The following RMDN2 variants were observed in gnomAD, a reference collection of about 807,000 sequenced individuals.
RMDN2 encodes the protein regulator of microtubule dynamics 2, also known as regulator of microtubule dynamics protein 2.
In RMDN2, 61 loss-of-function variants were observed where a neutral mutation model predicts 52.8. The ratio of observed to expected loss-of-function variants is 1.16; its 90% confidence interval spans 0.94 to 1.43. The LOEUF is 1.43. Ranked by LOEUF, RMDN2 falls within the 40% of genes most tolerant of loss-of-function variation. The pLI, the probability that RMDN2 is intolerant of heterozygous loss-of-function variation, is 0.00. For synonymous variants in RMDN2, 180 were observed against 153.1 expected, an observed-to-expected ratio of 1.18 and a Z score of -1.30; for missense variants, 592 against 475.3, an observed-to-expected ratio of 1.25 and a Z score of -2.28.
intron 10 of RMDN2, among the ~76,000 whole-genome samples, chr2:38,066,307 A>G (rs1437687629): frequency 6.6e-6 from 1 of 152,234 alleles, no homozygotes; most frequent in East Asian, 1.9e-4. Context: ...CAAAGCCTGT[A>G]TGTCGCTTAG....
At chr2:37,999,773 G>A (rs773174028) in intron 8 of RMDN2, among the ~76,000 whole-genome samples, 15 of 152,064 alleles carry the variant, frequency 9.9e-5, no homozygotes, top group Non-Finnish European at 1.2e-4. Context: ...TCCAAAGAGC[G>A]TTCACAGGGG....
intron 2 of RMDN2, among the ~76,000 whole-genome samples, chr2:37,935,117 A>G (rs1667175380): frequency 6.6e-6 from 1 of 152,214 alleles, no homozygotes; most frequent in Non-Finnish European, 1.5e-5. Flanking sequence ...ACTCTCATAT[A>G]GTATCAACAA....
At chr2:37,977,969 C>T (rs1414587136) in intron 4 of RMDN2, among the ~76,000 whole-genome samples, 78 of 152,078 alleles carry the variant, frequency 5.1e-4, no homozygotes, top group Admixed American at 5.0e-3. Context: ...CCAAGGCAGG[C>T]GGCTGGGAGG....
intron 10 of RMDN2, among the ~76,000 whole-genome samples, chr2:38,049,014 A>G (rs1573233274): frequency 6.6e-6 from 1 of 152,244 alleles, no homozygotes; most frequent in South Asian, 2.1e-4. Flanking sequence ...AACTTAGCCA[A>G]TGCTGTTTAG....
chr2:37,930,028 A>G (rs1475077477), intron 2 of RMDN2, among the ~76,000 whole-genome samples: 1 of 152,196 alleles, frequency 6.6e-6, no homozygotes, highest in African/African-American at 2.4e-5. Flanking sequence ...TAATGTAGCC[A>G]CTCTGACTCC....
chr2:38,038,675 G>A (rs1329833759), intron 10 of RMDN2, among the ~76,000 whole-genome samples: 2 of 152,198 alleles, frequency 1.3e-5, no homozygotes, highest in African/African-American at 4.8e-5. Flanking sequence ...CCTGCCACAT[G>A]GCAGGCACCC....
chr2:37,941,272 A>G (rs1002029784), intron 2 of RMDN2, among the ~76,000 whole-genome samples: 2 of 1,560 alleles, frequency 1.3e-3, no homozygotes, highest in East Asian at 0.026. Flanking sequence ...TGGAAGCTTC[A>G]TCCCAGAGGG....
chr2:37,974,012 G>C, intron 2 of RMDN2, 28 bp from the exon 3 acceptor site: 1 of 1,564,010 alleles, frequency 6.4e-7, no homozygotes, highest in Admixed American at 1.8e-5. Flanking sequence ...ACTTTCAAAG[G>C]AGTTGATGAT....
chr2:37,959,615 A>T lies in RMDN2; in HGVS notation c.453-14425A>T, dbSNP rs1669937081. On this transcript the variant is annotated intron_variant, in intron 2 of 10. Transcript: ENST00000354545. ...AAAAAACCAGCTCCTGGATTCATTG[A>T]TATTTTTGAAGGGTTTTTCGTGTCT... 2.0e-5 allele frequency among the ~76,000 whole-genome samples: 3 copies of T among 150,722 alleles called. 1 individual carries two copies. Among genetic ancestry groups the T allele is most frequent in the African/African-American group, 7.5e-5 (3 of 40,112 alleles).
intron 1 of RMDN2, among the ~76,000 whole-genome samples, chr2:37,926,233 T>C (rs1464513257): frequency 1.3e-5 from 2 of 152,260 alleles, no homozygotes; most frequent in African/African-American, 4.8e-5. Flanking sequence ...ATATCTGTGC[T>C]AGATTTATGG....
chr2:37,922,559 C>A (rs1352717515), upstream of RMDN2, among the ~76,000 whole-genome samples: 1 of 152,300 alleles, frequency 6.6e-6, no homozygotes, highest in Admixed American at 6.5e-5. Flanking sequence ...ATGCCAGGTT[C>A]CCAAGATACA....
At chr2:37,972,717 G>A (rs76650480) in intron 2 of RMDN2, among the ~76,000 whole-genome samples, 2 of 151,988 alleles carry the variant, frequency 1.3e-5, no homozygotes, top group African/African-American at 4.8e-5. Flanking sequence ...GACCAAGGTG[G>A]TAGTGGGGAG....
chr2:37,997,327 CACATA>C, intron 7 of RMDN2, 84 bp from the exon 8 acceptor site: 1 of 807,992 alleles, frequency 1.2e-6, no homozygotes, highest in Non-Finnish European at 2.2e-6. Context: ...CACGTATATA[CACATA>C]ACACACACAC....
chr2:37,930,121 G>T (rs970035800), intron 2 of RMDN2, among the ~76,000 whole-genome samples: 4 of 152,212 alleles, frequency 2.6e-5, no homozygotes, highest in African/African-American at 9.6e-5. Flanking sequence ...TGCCCAATGT[G>T]GTAGCCACTA....
At position 38,061,770 on chromosome 2, in the gene RMDN2, A is replaced by T. The variant is rs185489692; in HGVS notation, c.1714-5212A>T. Among the ~76,000 whole-genome samples, 88 of 152,270 alleles carry T rather than the reference A, an allele frequency of 5.8e-4. 1 individual carries two copies. The highest frequency in any genetic ancestry group is 2.1e-3 in the African/African-American group (88 of 41,550). On this transcript the variant is annotated intron_variant, in intron 10 of 10. Coordinates refer to the RMDN2 transcript ENST00000234195. ...TGGGTGCCTTGTTCATTATTATATC[A>T]TCAGTGCCCCAAACAGTGTCTGCCT...
At chr2:37,929,840 T>G (rs1553342992) in intron 2 of RMDN2, 111 bp downstream of exon 2, 10 of 675,500 alleles carry the variant, frequency 1.5e-5, no homozygotes, top group Non-Finnish European at 2.4e-5. Context: ...TCACATAAAA[T>G]GAAAAGGAGT....
chr2:38,024,723 C>T (rs1262988421), intron 10 of RMDN2, among the ~76,000 whole-genome samples: 1 of 152,072 alleles, frequency 6.6e-6, no homozygotes, highest in African/African-American at 2.4e-5. Flanking sequence ...CATTTACAAA[C>T]TTGCAATCTA....
chr2:37,934,125 A>G (rs1475939508), intron 2 of RMDN2, among the ~76,000 whole-genome samples: 1 of 152,200 alleles, frequency 6.6e-6, no homozygotes, highest in Non-Finnish European at 1.5e-5. Flanking sequence ...AGGTACCTGA[A>G]GATTTTTACT....
At chr2:37,924,633 C>T (rs1168849059), upstream of RMDN2, among the ~76,000 whole-genome samples, 1 of 152,234 alleles carries the variant, frequency 6.6e-6, no homozygotes, top group Non-Finnish European at 1.5e-5. Context: ...TCCCAAAGTG[C>T]TGGGATTACA....
Sources: gnomAD v4.1 joint callset for allele counts (sites outside exome capture counted in the v4.1 genomes callset) on GRCh38, gnomAD v4.1.1 for gene constraint, MANE v1.5 for transcripts, NCBI Gene and HGNC (gene_info 2026-07-23, HGNC 2026-07-21) for gene names.